Variants in ANO1 observed in about 807,000 individuals in gnomAD.
ANO1 encodes the protein anoctamin 1.
ANO1 carries 59 observed loss-of-function variants against 124.0 expected under a neutral mutation model. That is an observed-to-expected ratio of 0.48 (90% CI 0.39 to 0.59). ANO1 has a LOEUF of 0.59. Among genes scored for constraint, ANO1 ranks in the 20% least tolerant of loss-of-function variants. ANO1 has a pLI of 0.00. For missense variants in ANO1, 1,059 were observed against 1,328.0 expected (o/e 0.80, Z 3.15); for synonymous variants, 529 against 532.0 (o/e 0.99, Z 0.08).
chr11:70,165,667 A>G (rs1312600730), intron 20 of ANO1, 97 bp downstream of exon 20: 2 of 948,360 alleles, frequency 2.1e-6, no homozygotes, highest in Non-Finnish European at 3.2e-6. Context: ...GCGGGGCCTC[A>G]ACCAAGATGG....
At chr11:70,049,688 GTTTT>G (rs1244896398) in intron 1 of ANO1, among the ~76,000 whole-genome samples, 2 of 126,950 alleles carry the variant, frequency 1.6e-5, no homozygotes, top group African/African-American at 6.5e-5. Context: ...TGCGGTCTAT[GTTTT>G]TTTGTTTGTT....
At chr11:70,070,562 GC>G (rs2135137311) in intron 1 of ANO1, among the ~76,000 whole-genome samples, 1 of 152,320 alleles carries the variant, frequency 6.6e-6, no homozygotes, top group South Asian at 2.1e-4. Context: ...TGTAATCCCA[GC>G]TACTTGGAAG....
intron 8 of ANO1, among the ~76,000 whole-genome samples, chr11:70,120,966 T>C (rs150027170): frequency 1.4e-3 from 218 of 152,290 alleles, no homozygotes; most frequent in African/African-American, 5.0e-3. Flanking sequence ...AGCACTTCAG[T>C]TGGATTTCTT....
intron 8 of ANO1, among the ~76,000 whole-genome samples, chr11:70,118,675 G>T (rs2046098294): frequency 8.0e-6 from 1 of 125,098 alleles, no homozygotes; most frequent in African/African-American, 2.9e-5. Flanking sequence ...TGGGTGGGTG[G>T]GTGGATGGAT....
At chr11:70,097,373 T>C (rs1171516026) in intron 2 of ANO1, among the ~76,000 whole-genome samples, 1 of 152,196 alleles carries the variant, frequency 6.6e-6, no homozygotes. Context: ...CTGTGCTTCA[T>C]AGCAGTGTCC....
At chr11:70,071,121 T>G (rs12800970) in intron 1 of ANO1, among the ~76,000 whole-genome samples, 14,891 of 152,224 alleles carry the variant, frequency 0.098, 774 homozygotes, top group East Asian at 0.22. Flanking sequence ...TGAACACCTG[T>G]GTGACCAGCT....
chr11:70,005,598 A>G (rs1404736837), intron 1 of ANO1, among the ~76,000 whole-genome samples: 1 of 152,186 alleles, frequency 6.6e-6, no homozygotes, highest in Non-Finnish European at 1.5e-5. Flanking sequence ...TATTCGATGA[A>G]TAGCAAAATG....
chr11:70,125,573 G>A (rs572412719), intron 9 of ANO1, among the ~76,000 whole-genome samples: 143 of 151,228 alleles, frequency 9.5e-4, no homozygotes, highest in African/African-American at 3.2e-3. Context: ...GGCTGGGCAC[G>A]GTGGCTCACG....
intron 10 of ANO1, among the ~76,000 whole-genome samples, chr11:70,126,456 C>A (rs188895276): frequency 2.6e-5 from 4 of 152,348 alleles, no homozygotes; most frequent in Admixed American, 2.0e-4. Context: ...TGACCATTTT[C>A]ATTCTTTAAA....
Position 70,117,100 on chromosome 11 carries a change from C to CT in ANO1, c.897+623dup, listed in dbSNP as rs756764991. The stretch of plus-strand genomic sequence containing the variant: ...TTTATTCTTTTTTCTTTGTTTCTTT[C>CT]TTTTTTTTTTTTTTTTTTTTTTGAG... On this transcript the variant is annotated intron_variant, in intron 8 of 25. Coordinates refer to ENST00000355303, the MANE Select transcript of ANO1 (RefSeq NM_018043.7). Among the ~76,000 whole-genome samples the CT allele has an allele frequency of 4.9e-3, 299 of 61,512 alleles. 1 individual carries two copies. Among genetic ancestry groups the CT allele is most frequent in the African/African-American group, 0.018 (287 of 15,904 alleles). 40.4% of individuals were successfully genotyped at this position (61,512 alleles called of 152,430 possible).
intron 1 of ANO1, among the ~76,000 whole-genome samples, chr11:70,042,328 T>G (rs1254098784): frequency 6.6e-6 from 1 of 152,046 alleles, no homozygotes; most frequent in Non-Finnish European, 1.5e-5. Context: ...TTCCTAGAGG[T>G]AGTTTTCAGG....
chr11:70,105,165 GGTGGAAA>G (rs759736273), intron 4 of ANO1, among the ~76,000 whole-genome samples: 10 of 152,090 alleles, frequency 6.6e-5, no homozygotes, highest in Non-Finnish European at 1.5e-4. Flanking sequence ...GCTCCGTGGA[GGTGGAAA>G]CTGGCCCAGC....
chr11:70,137,428 C>T (rs1387654025), intron 11 of ANO1, among the ~76,000 whole-genome samples: 3 of 135,072 alleles, frequency 2.2e-5, no homozygotes, highest in South Asian at 2.9e-4. Context: ...CCCCCCCACC[C>T]GCCATCACCG....
intron 6 of ANO1, among the ~76,000 whole-genome samples, chr11:70,109,892 G>A (rs2045702280): frequency 6.6e-6 from 1 of 152,148 alleles, no homozygotes; most frequent in South Asian, 2.1e-4. Flanking sequence ...GATAGATGCG[G>A]GTCCTCCTCT....
At chr11:70,143,626 C>T (rs1198979420) in intron 11 of ANO1, among the ~76,000 whole-genome samples, 1 of 152,094 alleles carries the variant, frequency 6.6e-6, no homozygotes, top group African/African-American at 2.4e-5. Flanking sequence ...TAACAAGCTC[C>T]CTGGGGAGAT....
intron 1 of ANO1, among the ~76,000 whole-genome samples, chr11:69,995,051 G>C (rs991752911): frequency 1.7e-4 from 26 of 151,366 alleles, no homozygotes; most frequent in African/African-American, 6.1e-4. Flanking sequence ...TTTTATGTTA[G>C]TGTGGTATAT....
chr11:70,032,011 A>G (rs1555003867), intron 1 of ANO1, among the ~76,000 whole-genome samples: 4 of 152,034 alleles, frequency 2.6e-5, no homozygotes, highest in Non-Finnish European at 5.9e-5. Flanking sequence ...CACTGTGGCT[A>G]CTCTGTGATA....
At chr11:70,035,520 C>CTCTATATATATATATATATATATATATA (rs1555004283) in intron 1 of ANO1, among the ~76,000 whole-genome samples, 1 of 147,698 alleles carries the variant, frequency 6.8e-6, no homozygotes, top group East Asian at 2.2e-4. Flanking sequence ...TAAGCTGTTG[C>CTCTATATATATATATATATATATATATA]TATATATATA....
chr11:70,142,058 T>A (rs747415824), intron 11 of ANO1, among the ~76,000 whole-genome samples: 2 of 152,264 alleles, frequency 1.3e-5, no homozygotes, highest in Non-Finnish European at 2.9e-5. Context: ...AGCTTGCTGC[T>A]GTCTGGAATT....
Sources: allele counts gnomAD v4.1 joint callset (sites outside exome capture counted in the v4.1 genomes callset), GRCh38; gene constraint gnomAD v4.1.1; transcripts MANE v1.5; gene names NCBI Gene and HGNC (gene_info 2026-07-23, HGNC 2026-07-21).